CACNB4: variants seen among roughly 807,000 people sequenced by gnomAD.
CACNB4 encodes calcium voltage-gated channel auxiliary subunit beta 4, also known as voltage-dependent L-type calcium channel subunit beta-4.
CACNB4 carries 32 observed loss-of-function variants against 71.2 expected under a neutral mutation model. The ratio of observed to expected loss-of-function variants is 0.45; its 90% CI spans 0.34 to 0.60. CACNB4 has a LOEUF of 0.60. CACNB4 is among the 20% of genes least tolerant of loss of function. CACNB4 has a pLI of 0.01. For synonymous variants in CACNB4, 231 were observed against 236.9 expected (o/e 0.97, Z 0.23); for missense variants, 464 against 647.9 (o/e 0.72, Z 3.08).
At chr2:152,027,239 C>A (rs879608947) in intron 2 of CACNB4, among the ~76,000 whole-genome samples, 1 of 152,194 alleles carries the variant, frequency 6.6e-6, no homozygotes, top group Non-Finnish European at 1.5e-5. Flanking sequence ...CTTCTGTTGG[C>A]TTTCAGGCAC....
intron 9 of CACNB4, among the ~76,000 whole-genome samples, chr2:151,864,862 G>C (rs140888103): frequency 7.0e-4 from 107 of 152,316 alleles, no homozygotes; most frequent in South Asian, 1.9e-3. Flanking sequence ...AATTATTGGA[G>C]ATTTAAAGAC....
chr2:152,063,405 A>G (rs1285020460), intron 2 of CACNB4, among the ~76,000 whole-genome samples: 1 of 152,186 alleles, frequency 6.6e-6, no homozygotes, highest in Non-Finnish European at 1.5e-5. Flanking sequence ...TGAGGCAGAG[A>G]GTGATTAATG....
intron 2 of CACNB4, among the ~76,000 whole-genome samples, chr2:151,911,304 G>A (rs1236824395): frequency 6.6e-6 from 1 of 152,080 alleles, no homozygotes; most frequent in Non-Finnish European, 1.5e-5. Flanking sequence ...TCTTTCTCTT[G>A]CCTGATTGCC....
chr2:152,071,959 C>T (rs1412525673), intron 2 of CACNB4, among the ~76,000 whole-genome samples: 1 of 152,192 alleles, frequency 6.6e-6, no homozygotes, highest in South Asian at 2.1e-4. Flanking sequence ...TTCATCCATT[C>T]ATTCATTTAT....
chr2:151,965,611 T>C (rs2099870872), intron 2 of CACNB4, among the ~76,000 whole-genome samples: 1 of 152,192 alleles, frequency 6.6e-6, no homozygotes, highest in African/African-American at 2.4e-5. Context: ...TTTATATCAA[T>C]ACTCTGGTAG....
At chr2:151,982,684 T>A (rs555976052) in intron 2 of CACNB4, among the ~76,000 whole-genome samples, 1 of 150,208 alleles carries the variant, frequency 6.7e-6, no homozygotes, top group African/African-American at 2.4e-5. Context: ...CCTTTGGATG[T>A]GGTGCTGATG....
intron 2 of CACNB4, among the ~76,000 whole-genome samples, chr2:152,069,874 G>C (rs888859067): frequency 8.1e-6 from 1 of 122,930 alleles, no homozygotes; most frequent in Non-Finnish European, 1.6e-5. Flanking sequence ...ATGGAGTCTC[G>C]CTCAGTCGCC....
At chr2:151,896,285 T>C (rs2099852042) in intron 2 of CACNB4, among the ~76,000 whole-genome samples, 1 of 152,218 alleles carries the variant, frequency 6.6e-6, no homozygotes, top group Non-Finnish European at 1.5e-5. Context: ...GATATCGCCT[T>C]GTGCAGTAAT....
At position 151,880,769 on chromosome 2, in the gene CACNB4, G is replaced by T. The variant is rs190230496; in HGVS notation, c.390+31C>A. ...GATTCCTGGCTTCAGCTTTTTGGCA[G>T]GTGAAGGGATGCAGTATGTTCTACA... On this transcript the variant is annotated intron_variant, in intron 4 of 13. Transcript: ENST00000539935. The T allele has an allele frequency of 2.5e-6, 4 of 1,597,928 alleles. No individual in the cohort carries two copies. In the Admixed American group the frequency reaches 6.9e-5, roughly 28 times the overall value.
At chr2:151,842,728 C>T (rs2099836540) in intron 12 of CACNB4, among the ~76,000 whole-genome samples, 1 of 152,034 alleles carries the variant, frequency 6.6e-6, no homozygotes, top group South Asian at 2.1e-4. Flanking sequence ...CATCTTTAGC[C>T]ATGTATTCCT....
At chr2:151,857,310 T>C (rs1056334082) in intron 10 of CACNB4, 3 of 152,152 alleles carry the variant, frequency 2.0e-5, no homozygotes, top group Non-Finnish European at 4.4e-5. Context: ...ATTTGAAGAG[T>C]CAACATATCA....
At chr2:151,990,254 TTG>T (rs1382665624) in intron 2 of CACNB4, among the ~76,000 whole-genome samples, 1 of 152,210 alleles carries the variant, frequency 6.6e-6, no homozygotes, top group Non-Finnish European at 1.5e-5. Flanking sequence ...CCATATCTCA[TTG>T]TATCAAATTC....
At chr2:151,936,753 G>A (rs983056424) in intron 2 of CACNB4, among the ~76,000 whole-genome samples, 1 of 152,276 alleles carries the variant, frequency 6.6e-6, no homozygotes, top group Admixed American at 6.5e-5. Context: ...CCTAGGGCCC[G>A]GACCACCTCT....
intron 2 of CACNB4, among the ~76,000 whole-genome samples, chr2:151,921,138 A>AAACT (rs1344830141): frequency 1.0e-4 from 14 of 137,560 alleles, no homozygotes; most frequent in African/African-American, 3.5e-4. Flanking sequence ...CTCCGTCTCA[A>AAACT]AAATAAATAA....
intron 2 of CACNB4, among the ~76,000 whole-genome samples, chr2:151,952,685 A>C (rs903610521): frequency 6.6e-6 from 1 of 152,226 alleles, no homozygotes; most frequent in African/African-American, 2.4e-5. Flanking sequence ...AGGAAACAGG[A>C]GCGAATGCAC....
chr2:152,072,850 C>T (rs988053050), intron 2 of CACNB4, among the ~76,000 whole-genome samples: 5 of 151,422 alleles, frequency 3.3e-5, no homozygotes, highest in Admixed American at 6.6e-5. Flanking sequence ...GGGGTTTCAC[C>T]GTGTTAGCCA....
intron 2 of CACNB4, among the ~76,000 whole-genome samples, chr2:152,046,172 A>G (rs1685132843): frequency 6.6e-6 from 1 of 152,254 alleles, no homozygotes; most frequent in South Asian, 2.1e-4. Flanking sequence ...CTCTGATTAT[A>G]TAACAGTATA....
intron 2 of CACNB4, among the ~76,000 whole-genome samples, chr2:152,017,495 C>T (rs956429697): frequency 4.8e-5 from 1 of 20,982 alleles, no homozygotes; most frequent in African/African-American, 1.6e-4. Context: ...ATCCCGAGGT[C>T]AGGAGATCGA....
intron 2 of CACNB4, among the ~76,000 whole-genome samples, chr2:152,045,679 T>C (rs111669454): frequency 3.9e-5 from 6 of 152,150 alleles, no homozygotes; most frequent in Admixed American, 1.3e-4. Flanking sequence ...GTCTTATAAG[T>C]AGCCTCTTCT....
Sources: gnomAD v4.1 joint callset for allele counts (sites outside exome capture counted in the v4.1 genomes callset) on GRCh38, gnomAD v4.1.1 for gene constraint, MANE v1.5 for transcripts, NCBI Gene and HGNC (gene_info 2026-07-23, HGNC 2026-07-21) for gene names.